GLG1: variants seen among roughly 807,000 people sequenced by gnomAD.
GLG1 encodes the protein golgi glycoprotein 1.
A neutral mutation model predicts 160.5 loss-of-function variants in GLG1; 38 were observed. The observed-to-expected ratio is 0.24, with a 90% CI of 0.18 to 0.31. The LOEUF (loss-of-function observed/expected upper bound fraction) is 0.31, where lower values mean the gene tolerates loss of function less well. Ranked by LOEUF, GLG1 falls within the 10% of genes least tolerant of loss-of-function variation. GLG1 has a pLI of 1.00. For synonymous variants in GLG1, 644 were observed against 543.4 expected (o/e 1.19, Z -2.57); for missense variants, 1,373 against 1,505.2 (o/e 0.91, Z 1.45).
In GLG1 at chr16:74,481,729, T is replaced by C. The variant is rs1181233116; in HGVS notation, c.1673+1294A>G. On this transcript the variant is annotated intron_variant, in intron 10 of 25. Coordinates refer to ENST00000422840, the MANE Select transcript of GLG1 (RefSeq NM_001145667.2). The stretch of plus-strand genomic sequence containing the variant: ...GTCTTTTGAGATAGGGTCTCACCGT[T>C]AACATGCAGTGGCATGATCACAGCT... 5.3e-5 allele frequency among the ~76,000 whole-genome samples: 8 copies of C among 152,174 alleles called. No individual in the cohort carries two copies. The East Asian group carries it at 7.7e-4, about 15-fold the overall frequency.
intron 1 of GLG1, among the ~76,000 whole-genome samples, chr16:74,556,923 T>C (rs1379260442): frequency 1.3e-5 from 2 of 151,942 alleles, no homozygotes; most frequent in Non-Finnish European, 2.9e-5. Context: ...TTTTAAATAA[T>C]ACAGCAATTA....
chr16:74,514,616 G>A (rs898602168), intron 2 of GLG1, among the ~76,000 whole-genome samples: 3 of 152,150 alleles, frequency 2.0e-5, no homozygotes, highest in African/African-American at 7.2e-5. Flanking sequence ...CACCAGGCCT[G>A]CCTTACAAGA....
At chr16:74,554,450 C>T (rs1597342186) in intron 1 of GLG1, among the ~76,000 whole-genome samples, 1 of 152,218 alleles carries the variant, frequency 6.6e-6, no homozygotes, top group Non-Finnish European at 1.5e-5. Flanking sequence ...AGGACAATCA[C>T]TTCATCCCAG....
chr16:74,479,526 T>C (rs1597246891), intron 11 of GLG1, among the ~76,000 whole-genome samples: 1 of 152,042 alleles, frequency 6.6e-6, no homozygotes, highest in African/African-American at 2.4e-5. Context: ...AACTGATGTA[T>C]GCCATTTCCT....
chr16:74,587,158 G>A (rs997236651), intron 1 of GLG1, among the ~76,000 whole-genome samples: 10 of 152,058 alleles, frequency 6.6e-5, no homozygotes, highest in African/African-American at 1.7e-4. Flanking sequence ...AATATATGAC[G>A]TAACCTTCAG....
chr16:74,485,925 A>G lies in GLG1; in HGVS notation c.1450-8T>C, dbSNP rs2015771164. 8.7e-6 allele frequency: 14 copies of G among 1,607,396 alleles called. No homozygotes were observed. Among genetic ancestry groups the G allele is most frequent in the Non-Finnish European group, 1.1e-5 (13 of 1,176,426 alleles). On this transcript the variant is annotated splice_region_variant and splice_polypyrimidine_tract_variant and intron_variant, in intron 8 of 25. Transcript: ENST00000422840. Reference sequence around the variant, plus strand: ...CTGAATCAGTGTTTGAAGCTGAATTAAAATAAATTAAGAAGGAAGAAAGAA... The same window carrying G: ...CTGAATCAGTGTTTGAAGCTGAATTGAAATAAATTAAGAAGGAAGAAAGAA...
intron 18 of GLG1, among the ~76,000 whole-genome samples, chr16:74,466,752 T>G (rs2015013901): frequency 6.6e-6 from 1 of 152,152 alleles, no homozygotes; most frequent in Non-Finnish European, 1.5e-5. Flanking sequence ...CAAAACTTGA[T>G]TGGTGGTCTC....
intron 2 of GLG1, among the ~76,000 whole-genome samples, chr16:74,523,548 A>T (rs1047358657): frequency 4.6e-5 from 7 of 152,290 alleles, no homozygotes; most frequent in Non-Finnish European, 8.8e-5. Context: ...TATAACACCA[A>T]GTCTTCCAAC....
intron 19 of GLG1, among the ~76,000 whole-genome samples, chr16:74,465,185 C>G (rs1423990588): frequency 6.6e-6 from 1 of 152,178 alleles, no homozygotes; most frequent in South Asian, 2.1e-4. Context: ...GAACTGACAT[C>G]TAGGTACTCA....
intron 1 of GLG1, among the ~76,000 whole-genome samples, chr16:74,579,714 A>G (rs1737504226): frequency 6.7e-6 from 1 of 149,844 alleles, no homozygotes; most frequent in Non-Finnish European, 1.5e-5. Context: ...AGCAAGACTC[A>G]GTCTCAAAAA....
intron 13 of GLG1, among the ~76,000 whole-genome samples, chr16:74,473,694 C>T (rs2143266361): frequency 6.6e-6 from 1 of 152,196 alleles, no homozygotes; most frequent in Admixed American, 6.5e-5. Context: ...CCCGCCTCGC[C>T]TCCCAAAGTG....
At chr16:74,494,617 G>T in intron 6 of GLG1, 143 bp downstream of exon 6, 1 of 433,752 alleles carries the variant, frequency 2.3e-6, no homozygotes, top group Non-Finnish European at 4.4e-6. Flanking sequence ...ATCTTGGCCA[G>T]GCTGGTCTTG....
intron 4 of GLG1, 33 bp downstream of exon 4, chr16:74,503,497 AC>A (rs2016486895): frequency 1.5e-6 from 2 of 1,370,102 alleles, no homozygotes; most frequent in Non-Finnish European, 2.1e-6. Flanking sequence ...AAATTTTAAG[AC>A]CCCTTTGTTG....
chr16:74,576,409 T>C (rs1018765532), intron 1 of GLG1, among the ~76,000 whole-genome samples: 3 of 152,116 alleles, frequency 2.0e-5, no homozygotes, highest in Admixed American at 2.0e-4. Context: ...TTTAAATGAG[T>C]TGCATGTACA....
chr16:74,452,574 C>A lies in GLG1; in HGVS notation c.*593G>T. On this transcript the variant is annotated 3_prime_UTR_variant, in exon 26 of 26. Coordinates refer to ENST00000422840, the MANE Select transcript of GLG1 (RefSeq NM_001145667.2). ...CTCAGCAGAAGAAAGCAGGACCCCACACAGCCTGGGGAACGGCTGCCCACC... is the reference window on the plus strand; with the variant it reads ...CTCAGCAGAAGAAAGCAGGACCCCAAACAGCCTGGGGAACGGCTGCCCACC... 1 of 1,002,536 alleles carries A rather than the reference C, an allele frequency of 1.0e-6. No homozygotes were observed. The highest frequency in any genetic ancestry group is 1.2e-6 in the Non-Finnish European group (1 of 839,616). 62.1% of individuals were successfully genotyped at this position (1,002,536 alleles called of 1,614,324 possible).
chr16:74,491,253 A>G, intron 7 of GLG1, 38 bp from the exon 8 acceptor site: 1 of 1,390,392 alleles, frequency 7.2e-7, no homozygotes, highest in Non-Finnish European at 1.0e-6. Flanking sequence ...ACGAAGGGTG[A>G]TGCTATGTAT....
chr16:74,606,716 G>C lies in GLG1; in HGVS notation c.379C>G (p.Pro127Ala). ...AGGTTGTTGCTCCAGGTGTGCTTAGGGCACACGCGGGTCACGTCCTCCCTG... is the reference window on the plus strand; with the variant it reads ...AGGTTGTTGCTCCAGGTGTGCTTAGCGCACACGCGGGTCACGTCCTCCCTG... Reference protein sequence around the residue: ...SCREDVTRVCPKHTWSNNLAV... With the variant: ...SCREDVTRVCAKHTWSNNLAV... Residue 127 changes from proline to alanine, a missense_variant, in exon 1 of 26, where the codon CCT (proline) becomes GCT (alanine). Physicochemically the swap from Pro to Ala is conservative, Grantham distance 27. Coordinates refer to ENST00000422840, the MANE Select transcript of GLG1 (RefSeq NM_001145667.2). 1 of 1,612,430 alleles carries C rather than the reference G, an allele frequency of 6.2e-7. No homozygotes were observed.
At chr16:74,516,398 A>C (rs537422147) in intron 2 of GLG1, among the ~76,000 whole-genome samples, 35 of 151,992 alleles carry the variant, frequency 2.3e-4, no homozygotes, top group Admixed American at 3.9e-4. Context: ...AGGATTAAGA[A>C]ACTCACTCAA....
At chr16:74,605,208 T>G (rs1316603623) in intron 1 of GLG1, among the ~76,000 whole-genome samples, 2 of 131,548 alleles carry the variant, frequency 1.5e-5, no homozygotes, top group Non-Finnish European at 3.2e-5. Flanking sequence ...AAAACCCCCA[T>G]TTCCAATTTA....
Sources: allele counts gnomAD v4.1 joint callset (sites outside exome capture counted in the v4.1 genomes callset), GRCh38; gene constraint gnomAD v4.1.1; transcripts MANE v1.5; gene names NCBI Gene and HGNC (gene_info 2026-07-23, HGNC 2026-07-21).